GGA3: variants seen among roughly 807,000 people sequenced by gnomAD.
GGA3 encodes the protein golgi associated, gamma adaptin ear containing, ARF binding protein 3, also known as ADP-ribosylation factor-binding protein GGA3.
A neutral mutation model predicts 77.5 loss-of-function variants in GGA3; 57 were observed. The ratio of observed to expected loss-of-function variants is 0.74; its 90% CI spans 0.59 to 0.92. The LOEUF (loss-of-function observed/expected upper bound fraction) is 0.92, where lower values mean the gene tolerates loss of function less well. Among genes scored for constraint, GGA3 ranks in the 40% least tolerant of loss-of-function variants. The pLI is 0.00. For synonymous variants in GGA3, 416 were observed against 383.7 expected (o/e 1.08, Z -0.98); for missense variants, 970 against 914.9 (o/e 1.06, Z -0.78).
chr17:75,248,833 AACT>A, intron 1 of GGA3: 1 of 978,514 alleles, frequency 1.0e-6, no homozygotes, highest in Non-Finnish European at 1.2e-6. Flanking sequence ...AAAAAAAAAA[AACT>A]CACCAGCTGG....
intron 1 of GGA3, among the ~76,000 whole-genome samples, chr17:75,255,308 T>C (rs1307585021): frequency 6.6e-6 from 1 of 152,060 alleles, no homozygotes; most frequent in African/African-American, 2.4e-5. Context: ...TTTTTAGTTA[T>C]CCCCACCTGC....
upstream of GGA3, chr17:75,262,219 G>T (rs1326971116): frequency 1.6e-6 from 1 of 645,058 alleles, no homozygotes; most frequent in Non-Finnish European, 2.7e-6. Context: ...TTCAGCTAAA[G>T]AGCTCAGATC....
rs1358915703 is a variant in GGA3 at position 75,238,678 on chromosome 17, C to T, written c.2035G>A (p.Val679Ile). The T allele has an allele frequency of 1.2e-6, 2 of 1,613,608 alleles. No homozygotes were observed. The highest frequency in any genetic ancestry group is 1.7e-6 in the Non-Finnish European group (2 of 1,179,686). ...TTCAGTGGATTGGCCAGCAACATGA[C>T]CTGGGTGATGGCTGCAGGTGGCTGG... The part of the protein sequence containing the change: ...PIQPPAAITQ[V>I]MLLANPLKEK... Residue 679 changes from valine to isoleucine, a missense_variant, in exon 16 of 17, where the codon GTC (valine) becomes ATC (isoleucine). Transcript: ENST00000537686.
chr17:75,241,560 C>A (rs750098777), intron 9 of GGA3, 44 bp from the exon 10 acceptor site: 2 of 1,600,646 alleles, frequency 1.2e-6, no homozygotes, highest in Admixed American at 3.3e-5. Flanking sequence ...TGTGACAGTT[C>A]CCACCCACAT....
intron 14 of GGA3, 81 bp from the exon 15 acceptor site, chr17:75,239,164 A>G (rs2076431838): frequency 8.3e-6 from 11 of 1,328,322 alleles, no homozygotes; most frequent in Non-Finnish European, 1.1e-5. Flanking sequence ...GAAAAGGGCT[A>G]CTCCGTGGTC....
intron 15 of GGA3, 39 bp downstream of exon 15, chr17:75,238,875 C>G: frequency 6.2e-7 from 1 of 1,608,338 alleles, no homozygotes; most frequent in Non-Finnish European, 8.5e-7. Context: ...ACAACAGGGT[C>G]AAGATAAGGC....
intron 14 of GGA3, 57 bp from the exon 15 acceptor site, chr17:75,239,140 C>T: frequency 6.6e-7 from 1 of 1,523,718 alleles, no homozygotes; most frequent in Non-Finnish European, 8.9e-7. Flanking sequence ...CCAACAGAGC[C>T]CCGGCGGTGA....
chr17:75,244,724 C>T lies in GGA3; in HGVS notation c.202-7G>A, dbSNP rs537342796. On this transcript the variant is annotated splice_region_variant and splice_polypyrimidine_tract_variant and intron_variant, in intron 3 of 16. Coordinates refer to ENST00000537686, the MANE Select transcript of GGA3 (RefSeq NM_138619.4). The stretch of plus-strand genomic sequence containing the variant: ...TCATGCATGCCTCCAGCACCTGTAG[C>T]CGCACAGAGGAGAGGCGCTCAGTGA... 4.2e-5 allele frequency: 67 copies of T among 1,606,306 alleles called. 1 individual carries two copies. The highest frequency in any genetic ancestry group is 3.3e-4 in the South Asian group (30 of 90,922).
chr17:75,244,739 G>T, intron 3 of GGA3, 22 bp from the exon 4 acceptor site: 1 of 1,574,446 alleles, frequency 6.4e-7, no homozygotes, highest in Non-Finnish European at 8.7e-7. Context: ...CAGAGGAGAG[G>T]CGCTCAGTGA....
chr17:75,241,708 T>C lies in GGA3; in HGVS notation c.748-12A>G, dbSNP rs533646833. The C allele has an allele frequency of 6.2e-7, 1 of 1,612,096 alleles. No homozygotes were observed. Among genetic ancestry groups the C allele is most frequent in the South Asian group, 1.1e-5 (1 of 91,028 alleles). On this transcript the variant is annotated splice_polypyrimidine_tract_variant and intron_variant, in intron 8 of 16. Coordinates refer to ENST00000537686, the MANE Select transcript of GGA3 (RefSeq NM_138619.4). ...TGATCAAACAGCTCCTGAAAGAGACTCGGACATAAAAATCAAACCACAAAG... is the reference window on the plus strand; with the variant it reads ...TGATCAAACAGCTCCTGAAAGAGACCCGGACATAAAAATCAAACCACAAAG...
chr17:75,236,901 A>T lies in GGA3; in HGVS notation c.*1378T>A, dbSNP rs2076338325. On this transcript the variant is annotated 3_prime_UTR_variant, in exon 17 of 17. Coordinates refer to ENST00000537686, the MANE Select transcript of GGA3 (RefSeq NM_138619.4). ...TGAAACCTGCTTGCTAAAGACAGCGAGGGGCAGGGAAGGGATATGACCTCT... is the reference window on the plus strand; with the variant it reads ...TGAAACCTGCTTGCTAAAGACAGCGTGGGGCAGGGAAGGGATATGACCTCT... 1 of 154,932 alleles carries T rather than the reference A, an allele frequency of 6.5e-6. No homozygotes were observed. The highest frequency in any genetic ancestry group is 2.0e-4 in the South Asian group (1 of 5,016). 9.6% of individuals were successfully genotyped at this position (154,932 alleles called of 1,614,324 possible). A position where few individuals can be genotyped will look rare whatever the true frequency, so the allele number is the denominator to read the frequency against.
rs1192749926 is a variant in GGA3, at chr17:75,236,613, T to TTTTA, written c.*1662_*1665dup. 6.5e-6 allele frequency: 1 copy of TTTTA among 152,682 alleles called. No individual in the cohort carries two copies. The highest frequency in any genetic ancestry group is 2.4e-5 in the African/African-American group (1 of 41,452). The allele number at this position is 152,682 out of a possible 1,614,324, so 9.5% of individuals were successfully genotyped here. A position where few individuals can be genotyped will look rare whatever the true frequency, so the allele number is the denominator to read the frequency against. ...AAGATTCCAAGTACAGTGAAAATGG[T>TTTTA]TTTATTTAACATGCAGCAAAACAAG... is the stretch of plus-strand genomic sequence containing the variant. On this transcript the variant is annotated 3_prime_UTR_variant, in exon 17 of 17. Transcript: ENST00000537686.
At chr17:75,240,207 C>A in intron 12 of GGA3, 99 bp from the exon 13 acceptor site, 3 of 1,188,118 alleles carry the variant, frequency 2.5e-6, no homozygotes, top group Non-Finnish European at 1.2e-6. Flanking sequence ...AAGACAGCCC[C>A]GGAGGCACTC....
chr17:75,245,811 C>T (rs917450439), intron 3 of GGA3, among the ~76,000 whole-genome samples: 11 of 146,122 alleles, frequency 7.5e-5, no homozygotes, highest in Non-Finnish European at 5.9e-5. Context: ...TACAAGCCAC[C>T]GTGCCCTGCT....
chr17:75,243,868 T>C (rs1411869239), intron 4 of GGA3, among the ~76,000 whole-genome samples: 1 of 152,054 alleles, frequency 6.6e-6, no homozygotes, highest in Non-Finnish European at 1.5e-5. Flanking sequence ...GCCACGTCAG[T>C]AGGGGTGGCG....
In GGA3 at chr17:75,237,817, G is replaced by T. The variant is rs536217627; in HGVS notation, c.*462C>A. 3 of 1,428,966 alleles carry T rather than the reference G, an allele frequency of 2.1e-6. No homozygotes were observed. Among genetic ancestry groups the T allele is most frequent in the Admixed American group, 5.9e-5 (2 of 34,176 alleles). 88.5% of individuals were successfully genotyped at this position (1,428,966 alleles called of 1,614,324 possible). The stretch of plus-strand genomic sequence containing the variant: ...AGGAGCTGGTTGGCGGGGGAAGCAT[G>T]GAATTGCAACAGGGCTGCAGCCCCT... On this transcript the variant is annotated 3_prime_UTR_variant, in exon 17 of 17. Transcript: ENST00000537686.
Position 75,242,383 on chromosome 17 carries a change from G to A in GGA3, c.700C>T (p.His234Tyr). The change falls in exon 8 of 17, where the codon CAT becomes TAT. Residue 234 changes from histidine to tyrosine, a missense_variant. By Grantham distance (83) the His-to-Tyr change is moderately conservative. Coordinates refer to ENST00000537686, the MANE Select transcript of GGA3 (RefSeq NM_138619.4). ...NVRLLSEMLL[H>Y]YSQEDSSDGD... ...TCCGAAGAGTCCTCCTGGCTGTAATGAAGCAGCATCTCACTGAGCAGTCTC... is the reference window on the plus strand; with the variant it reads ...TCCGAAGAGTCCTCCTGGCTGTAATAAAGCAGCATCTCACTGAGCAGTCTC... The A allele has an allele frequency of 3.7e-6, 6 of 1,614,180 alleles. No homozygotes were observed. Among genetic ancestry groups the A allele is most frequent in the Non-Finnish European group, 5.1e-6 (6 of 1,180,012 alleles).
chr17:75,254,453 T>A (rs1329599876), intron 1 of GGA3, among the ~76,000 whole-genome samples: 1 of 152,162 alleles, frequency 6.6e-6, no homozygotes, highest in Non-Finnish European at 1.5e-5. Context: ...TCAGAAGCGT[T>A]TAGGCTCTTT....
intron 16 of GGA3, 74 bp from the exon 17 acceptor site, chr17:75,238,463 C>A: frequency 1.5e-6 from 2 of 1,310,874 alleles, no homozygotes; most frequent in South Asian, 1.2e-5. Flanking sequence ...CTGCTACCCT[C>A]TCTGTGCTAG....
Sources: gnomAD v4.1 joint callset for allele counts (sites outside exome capture counted in the v4.1 genomes callset) on GRCh38, gnomAD v4.1.1 for gene constraint, MANE v1.5 for transcripts, NCBI Gene and HGNC (gene_info 2026-07-23, HGNC 2026-07-21) for gene names.